The following ZNF532 variants were observed in gnomAD, a reference collection of about 807,000 sequenced individuals.
The protein encoded by ZNF532 is zinc finger protein 532.
Under a neutral mutation model 89.3 loss-of-function variants are expected in ZNF532, and 22 were observed. The observed-to-expected ratio is 0.25, with a 90% CI of 0.18 to 0.35. The LOEUF is 0.35. Ranked by LOEUF, ZNF532 falls within the 10% of genes least tolerant of loss-of-function variation. ZNF532 has a pLI of 1.00. For synonymous variants in ZNF532, 606 were observed against 649.6 expected, an observed-to-expected ratio of 0.93 and a Z score of 1.02; for missense variants, 1,132 against 1,643.4, an observed-to-expected ratio of 0.69 and a Z score of 5.38.
At chr18:58,865,879 G>A (rs1341801583) in intron 2 of ZNF532, among the ~76,000 whole-genome samples, 1 of 152,176 alleles carries the variant, frequency 6.6e-6, no homozygotes, top group Non-Finnish European at 1.5e-5. Context: ...GTGCTGTTTT[G>A]CATAAGACGA....
At chr18:58,941,984 C>CTCCTTCCT (rs1555739623) in intron 5 of ZNF532, among the ~76,000 whole-genome samples, 1 of 135,344 alleles carries the variant, frequency 7.4e-6, no homozygotes, top group African/African-American at 2.7e-5. Flanking sequence ...CCCTCCTTCC[C>CTCCTTCCT]TCCTTCCCTT....
chr18:58,928,668 A>G (rs1398602508), intron 3 of ZNF532, among the ~76,000 whole-genome samples: 1 of 152,290 alleles, frequency 6.6e-6, no homozygotes, highest in Admixed American at 6.5e-5. Context: ...GGGGATCACT[A>G]CCTTCCAGGG....
intron 3 of ZNF532, among the ~76,000 whole-genome samples, chr18:58,923,334 T>G (rs2061274034): frequency 6.6e-6 from 1 of 151,146 alleles, no homozygotes; most frequent in Non-Finnish European, 1.5e-5. Context: ...GGATCTAGAA[T>G]GCTTCTTCAC....
At chr18:58,866,410 C>T (rs971575125) in intron 2 of ZNF532, among the ~76,000 whole-genome samples, 2 of 152,156 alleles carry the variant, frequency 1.3e-5, no homozygotes, top group African/African-American at 4.8e-5. Flanking sequence ...GGAGAACACT[C>T]AACATTTTGC....
chr18:58,907,973 A>G (rs927733888), intron 2 of ZNF532, among the ~76,000 whole-genome samples: 1 of 152,178 alleles, frequency 6.6e-6, no homozygotes, highest in African/African-American at 2.4e-5. Flanking sequence ...TACTGGCCAA[A>G]TAGGTCTCCT....
intron 2 of ZNF532, among the ~76,000 whole-genome samples, chr18:58,911,510 C>G (rs536738885): frequency 6.6e-6 from 1 of 151,884 alleles, no homozygotes; most frequent in South Asian, 2.1e-4. Flanking sequence ...GAGGATCACT[C>G]GAGGCCAGTT....
intron 2 of ZNF532, among the ~76,000 whole-genome samples, chr18:58,912,336 A>G (rs1266861749): frequency 6.6e-6 from 1 of 152,268 alleles, no homozygotes. Flanking sequence ...TATTTTGGAT[A>G]GTAGCAACTA....
chr18:58,973,424 A>C, intron 7 of ZNF532, among the ~76,000 whole-genome samples: 1 of 152,130 alleles, frequency 6.6e-6, no homozygotes, highest in East Asian at 1.9e-4. Context: ...TTGTTACCTT[A>C]ATAAGTCATT....
chr18:58,957,420 T>C (rs1420994740), intron 7 of ZNF532, among the ~76,000 whole-genome samples: 2 of 148,024 alleles, frequency 1.4e-5, no homozygotes, highest in Non-Finnish European at 3.0e-5. Flanking sequence ...TATATATATA[T>C]ATATATATAT....
intron 2 of ZNF532, among the ~76,000 whole-genome samples, chr18:58,898,430 A>G (rs541756284): frequency 6.6e-6 from 1 of 152,378 alleles, no homozygotes; most frequent in South Asian, 2.1e-4. Flanking sequence ...TTTACAAGGT[A>G]TATATGATAT....
Position 58,920,558 on chromosome 18 carries a change from G to A in ZNF532, c.2271G>A (p.Leu757=). Reference sequence around the variant, plus strand: ...TGTGTAGACATAGTCTAAAATGTTTGGAGTGTAATGAAGTCTTCCAGGACG... The same window carrying A: ...TGTGTAGACATAGTCTAAAATGTTTAGAGTGTAATGAAGTCTTCCAGGACG... ...SKLCRHSLKC[L]ECNEVFQDET... Residue 757 remains leucine (L), a synonymous_variant, in exon 3 of 10, where the codon TTG becomes TTA. Coordinates refer to ENST00000591808, the MANE Select transcript of ZNF532 (RefSeq NM_001375912.1). 6.2e-7 allele frequency: 1 copy of A among 1,613,192 alleles called. No homozygotes were observed. The highest frequency in any genetic ancestry group is 8.5e-7 in the Non-Finnish European group (1 of 1,179,328).
chr18:58,868,735 G>T (rs2056704734), intron 2 of ZNF532, among the ~76,000 whole-genome samples: 1 of 152,210 alleles, frequency 6.6e-6, no homozygotes, highest in Admixed American at 6.5e-5. Flanking sequence ...TAAAGTTGCT[G>T]TAAGCATTTG....
chr18:58,881,241 C>T (rs2057902552), intron 2 of ZNF532, among the ~76,000 whole-genome samples: 1 of 151,946 alleles, frequency 6.6e-6, no homozygotes. Context: ...AAGTGATTCT[C>T]CTGCCTCAGC....
At position 58,880,771 on chromosome 18, in the gene ZNF532, C is replaced by CGCGCGTGTGTGTGT. The variant is rs1440107025; in HGVS notation, c.-18+15193_-18+15194insCGCGTGTGTGTGTG. Among the ~76,000 whole-genome samples the CGCGCGTGTGTGTGT allele has an allele frequency of 2.1e-5, 3 of 145,258 alleles. 1 individual carries two copies. Among genetic ancestry groups the CGCGCGTGTGTGTGT allele is most frequent in the Non-Finnish European group, 3.0e-5 (2 of 65,782 alleles). Reference sequence around the variant, plus strand: ...TCATAGGCGCGCGCGCACGCGCGCGCGTCTGTGTGTGTGTGTGTATGTTTG... The same window carrying CGCGCGTGTGTGTGT: ...TCATAGGCGCGCGCGCACGCGCGCGCGCGCGTGTGTGTGTGTCTGTGTGTGTGTGTGTATGTTTG... On this transcript the variant is annotated intron_variant, in intron 2 of 9. Coordinates refer to ENST00000591808, the MANE Select transcript of ZNF532 (RefSeq NM_001375912.1).
At chr18:58,875,437 G>C (rs1269980898) in intron 2 of ZNF532, among the ~76,000 whole-genome samples, 2 of 152,192 alleles carry the variant, frequency 1.3e-5, no homozygotes, top group Non-Finnish European at 2.9e-5. Context: ...ATTTAGCAAT[G>C]AAATTTTTCT....
Position 58,920,115 on chromosome 18 carries a change from A to G in ZNF532, c.1828A>G (p.Thr610Ala), listed in dbSNP as rs375106754. 1.5e-5 allele frequency: 25 copies of G among 1,613,828 alleles called. No individual in the cohort carries two copies. Among genetic ancestry groups the G allele is most frequent in the Non-Finnish European group, 1.9e-5 (22 of 1,179,870 alleles). The change falls in exon 3 of 10, where the codon ACG becomes GCG. Residue 610 changes from threonine (T) to alanine (A), a missense_variant. Transcript: ENST00000591808. ...NLSPPANAGI[T>A]LPTRGYKCLE... ...CAGTCCTCCCGCCAATGCAGGGATC[A>G]CGTTACCGACGCGTGGGTACAAGTG...
intron 3 of ZNF532, among the ~76,000 whole-genome samples, chr18:58,930,935 CAGGATACAGA>C (rs2146375138): frequency 6.6e-6 from 1 of 152,206 alleles, no homozygotes; most frequent in South Asian, 2.1e-4. Flanking sequence ...TGCAGAACCT[CAGGATACAGA>C]GAGTTGATTG....
chr18:58,908,258 G>A (rs1568291348), intron 2 of ZNF532, among the ~76,000 whole-genome samples: 2 of 152,210 alleles, frequency 1.3e-5, no homozygotes, highest in South Asian at 2.1e-4. Flanking sequence ...ATGTTGCCAC[G>A]GGTGTTGTGC....
chr18:58,873,469 G>A (rs1602496864), intron 2 of ZNF532, among the ~76,000 whole-genome samples: 1 of 151,764 alleles, frequency 6.6e-6, no homozygotes, highest in East Asian at 1.9e-4. Flanking sequence ...TTTTTTCTGG[G>A]ATGAAGTCTT....
Sources: allele counts gnomAD v4.1 joint callset (sites outside exome capture counted in the v4.1 genomes callset), GRCh38; gene constraint gnomAD v4.1.1; transcripts MANE v1.5; gene names NCBI Gene and HGNC (gene_info 2026-07-23, HGNC 2026-07-21).